The following MYLK3 variants were observed in gnomAD, a reference collection of about 807,000 sequenced individuals.
MYLK3 encodes MLC kinase.
A neutral mutation model predicts 76.3 loss-of-function variants in MYLK3; 55 were observed. That is an observed-to-expected ratio of 0.72 (90% CI 0.58 to 0.90). MYLK3 has a LOEUF of 0.90. MYLK3 is among the 40% of genes least tolerant of loss of function. The pLI is 0.00. For synonymous variants in MYLK3, 416 were observed against 425.4 expected, an observed-to-expected ratio of 0.98 and a Z score of 0.27; for missense variants, 973 against 1,053.6, an observed-to-expected ratio of 0.92 and a Z score of 1.06.
rs773870088 is a variant in MYLK3, at chr16:46,705,546, A to T, written c.*2158T>A. 1 of 152,096 alleles carries T rather than the reference A, an allele frequency of 6.6e-6. No individual in the cohort carries two copies. Among genetic ancestry groups the T allele is most frequent in the Non-Finnish European group, 1.5e-5 (1 of 68,006 alleles). The allele number at this position is 152,096 out of a possible 1,614,324, so 9.4% of individuals were successfully genotyped here. A position where few individuals can be genotyped will look rare whatever the true frequency, so the allele number is the denominator to read the frequency against. ...TCTCTCAAAAAAAATAAAAAACTAA[A>T]GCTGCTCACCTGAGGAAAAAAATGG... is the stretch of plus-strand genomic sequence containing the variant. On this transcript the variant is annotated 3_prime_UTR_variant, in exon 13 of 13. Transcript: ENST00000394809.
Position 46,712,784 on chromosome 16 carries a change from GA to G in MYLK3, c.1986-9del. ...TTCTCTCGAGGCTTGTACCTGGGGA[GA>G]AGGGGAGGGTACAAAGAAGCATGGG... On this transcript the variant is annotated splice_polypyrimidine_tract_variant and intron_variant, in intron 9 of 12. Coordinates refer to ENST00000394809, the MANE Select transcript of MYLK3 (RefSeq NM_182493.3). 6.3e-7 allele frequency: 1 copy of G among 1,582,662 alleles called. No homozygotes were observed. Among genetic ancestry groups the G allele is most frequent in the Non-Finnish European group, 8.6e-7 (1 of 1,165,252 alleles).
chr16:46,726,717 GAAAGAAAGAAAGAAAGAAAA>G (rs1966842627), intron 8 of MYLK3: 1 of 131,008 alleles, frequency 7.6e-6, no homozygotes, highest in Non-Finnish European at 1.6e-5. Context: ...AAGAAAGAAA[GAAAGAAAGAAAGAAAGAAAA>G]GAAAGAGAGA....
At chr16:46,713,232 C>CT (rs1966703001) in intron 9 of MYLK3, among the ~76,000 whole-genome samples, 3 of 140,302 alleles carry the variant, frequency 2.1e-5, no homozygotes, top group African/African-American at 8.0e-5. Flanking sequence ...GGGTCTCACT[C>CT]TGTCACCCAA....
intron 1 of MYLK3, among the ~76,000 whole-genome samples, chr16:46,756,366 T>A (rs1478214580): frequency 1.3e-5 from 2 of 152,234 alleles, no homozygotes; most frequent in Non-Finnish European, 2.9e-5. Context: ...GTGAGAAAGC[T>A]AAGTCCTCAT....
intron 12 of MYLK3, among the ~76,000 whole-genome samples, chr16:46,709,258 C>CA (rs1437887142): frequency 1.3e-5 from 2 of 151,788 alleles, no homozygotes; most frequent in African/African-American, 2.4e-5. Context: ...CCTGTCTGTG[C>CA]AAAAAATATG....
chr16:46,739,783 T>C (rs1019659401), intron 2 of MYLK3, among the ~76,000 whole-genome samples: 4 of 152,232 alleles, frequency 2.6e-5, no homozygotes, highest in African/African-American at 4.8e-5. Flanking sequence ...TTTTGGAAGA[T>C]TCAAAAATTA....
intron 3 of MYLK3, among the ~76,000 whole-genome samples, chr16:46,736,159 A>G (rs1160795029): frequency 6.6e-6 from 1 of 152,082 alleles, no homozygotes; most frequent in Non-Finnish European, 1.5e-5. Context: ...TTACAGGTGC[A>G]CGCCACCATG....
Position 46,709,606 on chromosome 16 carries a change from G to C in MYLK3, c.2333C>G (p.Ser778Ter), listed in dbSNP as rs375113235. Reference sequence around the variant, plus strand: ...GGATTTGAGACGAGTTTTGGATCTTGAAGCTTTGGCAGGCAAATTATTCAG... The same window carrying C: ...GGATTTGAGACGAGTTTTGGATCTTCAAGCTTTGGCAGGCAAATTATTCAG... ...EWLNNLPAKA[S>*]RSKTRLKSQL... Residue 778 changes from serine to a stop codon, truncating the protein, a stop_gained, in exon 12 of 13, where the codon TCA (serine) becomes TGA (stop). Coordinates refer to ENST00000394809, the MANE Select transcript of MYLK3 (RefSeq NM_182493.3). LOFTEE classifies it high-confidence loss of function. 4.3e-6 allele frequency: 7 copies of C among 1,614,036 alleles called. No individual in the cohort carries two copies. Among genetic ancestry groups the C allele is most frequent in the Non-Finnish European group, 5.1e-6 (6 of 1,180,024 alleles).
rs180931388 is a variant in MYLK3 at position 46,758,143 on chromosome 16, A to T, written c.-114+4897T>A. On this transcript the variant is annotated intron_variant, in intron 1 of 11. Coordinates refer to the MYLK3 transcript ENST00000536476. ...TGCAGGAGAAGACAAGGAGACAAGG[A>T]CACGTGGCTCTGTCAGGGACATGCC... 2.7e-3 allele frequency among the ~76,000 whole-genome samples: 407 copies of T among 152,154 alleles called. 2 individuals carry two copies. Among genetic ancestry groups the T allele is most frequent in the African/African-American group, 9.2e-3 (383 of 41,506 alleles).
rs181423863 is a variant in MYLK3, at chr16:46,706,956, G to C, written c.*748C>G. 2 of 152,324 alleles carry C rather than the reference G, an allele frequency of 1.3e-5. No homozygotes were observed. The highest frequency in any genetic ancestry group is 1.3e-4 in the Admixed American group (2 of 15,306). The allele number at this position is 152,324 out of a possible 1,614,324, so 9.4% of individuals were successfully genotyped here. On this transcript the variant is annotated 3_prime_UTR_variant, in exon 13 of 13. Coordinates refer to ENST00000394809, the MANE Select transcript of MYLK3 (RefSeq NM_182493.3). The stretch of plus-strand genomic sequence containing the variant: ...ATGTCTCAGGATGTATCATTTCTGT[G>C]TTTCTCAGAAAGCGGAACCTCATTA...
intron 1 of MYLK3, among the ~76,000 whole-genome samples, chr16:46,758,866 T>C (rs1295056089): frequency 6.6e-6 from 1 of 152,140 alleles, no homozygotes; most frequent in Non-Finnish European, 1.5e-5. Flanking sequence ...GACGGTTGTC[T>C]GAGAAGATGG....
chr16:46,723,650 C>CTTTT (rs34270947), intron 8 of MYLK3, among the ~76,000 whole-genome samples: 16 of 130,518 alleles, frequency 1.2e-4, no homozygotes, highest in East Asian at 2.2e-4. Context: ...CTAGCTGATG[C>CTTTT]TTTTTTTTTT....
Position 46,707,683 on chromosome 16 carries a change from T to G in MYLK3, c.*21A>C. 6.3e-7 allele frequency: 1 copy of G among 1,577,764 alleles called. No homozygotes were observed. The highest frequency in any genetic ancestry group is 8.7e-7 in the Non-Finnish European group (1 of 1,148,102). On this transcript the variant is annotated 3_prime_UTR_variant, in exon 13 of 13. Coordinates refer to ENST00000394809, the MANE Select transcript of MYLK3 (RefSeq NM_182493.3). ...CTGGCCTCAGTAATTTCTGGACCCA[T>G]TGGAGCAGCAGAGTTGAAGATTAGG...
intron 5 of MYLK3, 88 bp from the exon 6 acceptor site, chr16:46,729,775 C>T: frequency 8.7e-7 from 1 of 1,154,668 alleles, no homozygotes; most frequent in South Asian, 1.3e-5. Context: ...CTCATCCACA[C>T]ACAGGCCATG....
chr16:46,717,123 G>A (rs902632469), intron 9 of MYLK3, among the ~76,000 whole-genome samples: 2 of 152,214 alleles, frequency 1.3e-5, no homozygotes, highest in African/African-American at 4.8e-5. Flanking sequence ...CCAGAGGCCT[G>A]CACTTGTGAC....
rs1484830618 is a variant in MYLK3, at chr16:46,727,374, C to A, written c.1776G>T (p.Val592=). The A allele has an allele frequency of 7.5e-6, 12 of 1,606,698 alleles. No homozygotes were observed. The highest frequency in any genetic ancestry group is 1.0e-5 in the Non-Finnish European group (12 of 1,174,256). The stretch of plus-strand genomic sequence containing the variant: ...TCCGGTCGAAGAGCTCACCCCCGTC[C>A]ACGCTGCCAGAGCAAAGGGAGAGGC... ...KHSCTLVMEY[V]DGGELFDRIT... Residue 592 remains valine (V), a synonymous_variant, in exon 8 of 13, where the codon GTG becomes GTT. Transcript: ENST00000394809.
At chr16:46,755,355 G>A (rs193297241) in intron 1 of MYLK3, among the ~76,000 whole-genome samples, 93 of 152,146 alleles carry the variant, frequency 6.1e-4, no homozygotes, top group African/African-American at 2.1e-3. Context: ...CTACTCAGGA[G>A]GCTGAGGCAG....
Position 46,748,330 on chromosome 16 carries a change from T to C in MYLK3, c.-137A>G. 1.4e-6 allele frequency: 2 copies of C among 1,423,578 alleles called. No individual in the cohort carries two copies. The highest frequency in any genetic ancestry group is 2.5e-5 in the East Asian group (1 of 39,946). The allele number at this position is 1,423,578 out of a possible 1,614,324, so 88.2% of individuals were successfully genotyped here. On this transcript the variant is annotated 5_prime_UTR_variant, in exon 1 of 13. Coordinates refer to ENST00000394809, the MANE Select transcript of MYLK3 (RefSeq NM_182493.3). This position sits in a 1 kb window ranked among gnomAD's most constrained non-coding sequence, Gnocchi z 4.3. Reference sequence around the variant, plus strand: ...CTCCTGGCAGCACCAACCTCCACGATGGCCTGGGCTGTGTGAGGAGCGCAG... The same window carrying C: ...CTCCTGGCAGCACCAACCTCCACGACGGCCTGGGCTGTGTGAGGAGCGCAG...
Position 46,712,778 on chromosome 16 carries a change from T to G in MYLK3, c.1986-2A>C. 1 of 1,588,992 alleles carries G rather than the reference T, an allele frequency of 6.3e-7. No homozygotes were observed. Among genetic ancestry groups the G allele is most frequent in the Non-Finnish European group, 8.6e-7 (1 of 1,168,128 alleles). ...TTCAGCTTCTCTCGAGGCTTGTACCTGGGGAGAAGGGGAGGGTACAAAGAA... is the reference window on the plus strand; with the variant it reads ...TTCAGCTTCTCTCGAGGCTTGTACCGGGGGAGAAGGGGAGGGTACAAAGAA... On this transcript the variant is annotated splice_acceptor_variant, in intron 9 of 12. Coordinates refer to ENST00000394809, the MANE Select transcript of MYLK3 (RefSeq NM_182493.3). LOFTEE classifies it high-confidence loss of function.
Sources: allele counts gnomAD v4.1 joint callset (sites outside exome capture counted in the v4.1 genomes callset), GRCh38; gene constraint gnomAD v4.1.1; non-coding constraint Gnocchi (gnomAD v3.1); transcripts MANE v1.5; gene names NCBI Gene and HGNC (gene_info 2026-07-23, HGNC 2026-07-21).